TANGO6: variants seen among roughly 807,000 people sequenced by gnomAD.
TANGO6 encodes transport and Golgi organization protein 6 homolog.
In TANGO6, 90 loss-of-function variants were observed where a neutral mutation model predicts 114.2. The ratio of observed to expected loss-of-function variants is 0.79; its 90% confidence interval spans 0.66 to 0.94. TANGO6 has a LOEUF of 0.94. Among genes scored for constraint, TANGO6 ranks in the 40% least tolerant of loss-of-function variants. The pLI is 0.00. For missense variants in TANGO6, 1,274 were observed against 1,315.3 expected (o/e 0.97, Z 0.49); for synonymous variants, 477 against 509.8 (o/e 0.94, Z 0.87).
chr16:68,960,034 T>C (rs1024274754), intron 14 of TANGO6, among the ~76,000 whole-genome samples: 2 of 152,232 alleles, frequency 1.3e-5, no homozygotes, highest in African/African-American at 4.8e-5. Context: ...CATTATTTTC[T>C]TGGATATCCG....
chr16:68,898,609 G>A (rs1962739805), intron 7 of TANGO6, among the ~76,000 whole-genome samples: 1 of 152,040 alleles, frequency 6.6e-6, no homozygotes, highest in Non-Finnish European at 1.5e-5. Context: ...CTAAGTGCTG[G>A]GATTACAGGT....
At chr16:68,929,627 T>C (rs944779878) in intron 13 of TANGO6, among the ~76,000 whole-genome samples, 3 of 152,178 alleles carry the variant, frequency 2.0e-5, no homozygotes, top group Non-Finnish European at 4.4e-5. Flanking sequence ...ACCTAACATA[T>C]CATGTAATAT....
chr16:68,984,033 A>C (rs1026257486), intron 15 of TANGO6, among the ~76,000 whole-genome samples: 1 of 150,490 alleles, frequency 6.6e-6, no homozygotes, highest in Non-Finnish European at 1.5e-5. Flanking sequence ...ACTCCGTCTC[A>C]AAAAGAAAAA....
At chr16:68,977,734 G>A (rs1963778364) in intron 15 of TANGO6, among the ~76,000 whole-genome samples, 1 of 151,174 alleles carries the variant, frequency 6.6e-6, no homozygotes, top group Non-Finnish European at 1.5e-5. Context: ...CACCCAGACT[G>A]GAGTCCAGTG....
intron 7 of TANGO6, among the ~76,000 whole-genome samples, chr16:68,895,707 A>G (rs1411081758): frequency 2.0e-5 from 3 of 152,248 alleles, no homozygotes; most frequent in Admixed American, 1.3e-4. Context: ...TGGAGGAGGC[A>G]GAACTTGTGC....
chr16:68,930,371 A>G lies in TANGO6; in HGVS notation c.2701+76A>G, dbSNP rs563871251. ...TCATGTTTATTTGCACAAAATCTCT[A>G]AAGTCCTAGGGCCAGGAGACTACTG... On this transcript the variant is annotated intron_variant, in intron 14 of 17. Coordinates refer to ENST00000261778, the MANE Select transcript of TANGO6 (RefSeq NM_024562.2). The G allele has an allele frequency of 2.5e-5, 32 of 1,304,210 alleles. No individual in the cohort carries two copies. The African/African-American group carries it at 4.0e-4, about 16-fold the overall frequency. The allele number at this position is 1,304,210 out of a possible 1,614,324, so 80.8% of individuals were successfully genotyped here.
intron 14 of TANGO6, among the ~76,000 whole-genome samples, chr16:68,943,353 G>T (rs929577047): frequency 3.7e-4 from 55 of 147,822 alleles, no homozygotes; most frequent in African/African-American, 1.4e-3. Context: ...ACTGCAACCT[G>T]AATCTGAGAA....
intron 15 of TANGO6, among the ~76,000 whole-genome samples, chr16:68,978,398 A>G (rs1963786056): frequency 6.6e-6 from 1 of 152,200 alleles, no homozygotes; most frequent in African/African-American, 2.4e-5. Flanking sequence ...CTGGCATTTC[A>G]AAGCAAATTC....
intron 15 of TANGO6, among the ~76,000 whole-genome samples, chr16:68,980,528 T>C (rs369131253): frequency 2.7e-5 from 4 of 149,526 alleles, no homozygotes; most frequent in African/African-American, 9.9e-5. Flanking sequence ...CTTAGCCCCA[T>C]GATTAGCTGG....
intron 7 of TANGO6, among the ~76,000 whole-genome samples, chr16:68,896,535 T>C (rs1962707798): frequency 1.3e-5 from 2 of 151,804 alleles, no homozygotes; most frequent in Admixed American, 1.3e-4. Context: ...GGTCTTGAAC[T>C]CCTGGGCACA....
At chr16:68,907,322 G>A in intron 9 of TANGO6, 121 bp from the exon 10 acceptor site, 2 of 1,072,574 alleles carry the variant, frequency 1.9e-6, no homozygotes, top group Non-Finnish European at 2.5e-6. Flanking sequence ...ATAAATTTGG[G>A]GGATCTTTTT....
In TANGO6 at chr16:69,032,654, G is replaced by A. The variant is rs568199447; in HGVS notation, c.2995-7654G>A. 3.3e-5 allele frequency among the ~76,000 whole-genome samples: 5 copies of A among 152,196 alleles called. No homozygotes were observed. The East Asian group carries it at 9.8e-4, about 30-fold the overall frequency. ...AGCCCTTTGGGAGGCCAAGGTGGGT[G>A]GATCACGAAGTCAGGAGTTCAAGAC... On this transcript the variant is annotated intron_variant, in intron 16 of 17. Coordinates refer to ENST00000261778, the MANE Select transcript of TANGO6 (RefSeq NM_024562.2).
chr16:69,011,762 G>C (rs1964145447), intron 15 of TANGO6, among the ~76,000 whole-genome samples: 1 of 152,186 alleles, frequency 6.6e-6, no homozygotes. Context: ...TGCTATGTAA[G>C]CAACTCTTGT....
chr16:69,017,901 CTTTTT>C (rs1018228039), intron 15 of TANGO6, among the ~76,000 whole-genome samples: 1 of 137,212 alleles, frequency 7.3e-6, no homozygotes. Context: ...AGTTGGAAAT[CTTTTT>C]TTTTTTTTTT....
intron 17 of TANGO6, among the ~76,000 whole-genome samples, chr16:69,049,519 C>T (rs923420631): frequency 4.6e-5 from 7 of 151,986 alleles, no homozygotes; most frequent in African/African-American, 1.7e-4. Context: ...GCAACCTCTG[C>T]CTCCCAGGTT....
rs562249486 is a variant in TANGO6, at chr16:68,897,824, C to T, written c.1378-2610C>T. On this transcript the variant is annotated intron_variant, in intron 7 of 17. Coordinates refer to ENST00000261778, the MANE Select transcript of TANGO6 (RefSeq NM_024562.2). The stretch of plus-strand genomic sequence containing the variant: ...AACTCCTAACCTCAGGTGATCCACC[C>T]GCCTCAGCCTCCCAAAGTGCTGGGA... Among the ~76,000 whole-genome samples, 7 of 152,072 alleles carry T rather than the reference C, an allele frequency of 4.6e-5. No individual in the cohort carries two copies. In the East Asian group the frequency reaches 5.8e-4, roughly 13 times the overall value.
At chr16:69,029,682 G>A (rs1280369210) in intron 16 of TANGO6, among the ~76,000 whole-genome samples, 1 of 152,156 alleles carries the variant, frequency 6.6e-6, no homozygotes. Context: ...CAGGGTATCA[G>A]GTGAGTCTCA....
intron 15 of TANGO6, among the ~76,000 whole-genome samples, chr16:68,995,229 C>A (rs921592538): frequency 3.3e-5 from 5 of 152,140 alleles, no homozygotes; most frequent in South Asian, 4.1e-4. Flanking sequence ...CTTTTCTAAC[C>A]CACTCCTAGT....
At chr16:69,064,144 A>G (rs1312967071) in intron 17 of TANGO6, among the ~76,000 whole-genome samples, 1 of 152,002 alleles carries the variant, frequency 6.6e-6, no homozygotes, top group Non-Finnish European at 1.5e-5. Context: ...CTCTACAGCC[A>G]TACTTTTCTG....
Sources: gnomAD v4.1 joint callset for allele counts (sites outside exome capture counted in the v4.1 genomes callset) on GRCh38, gnomAD v4.1.1 for gene constraint, MANE v1.5 for transcripts, NCBI Gene and HGNC (gene_info 2026-07-23, HGNC 2026-07-21) for gene names.